NKAPD1: variants seen among roughly 807,000 people sequenced by gnomAD.
NKAPD1 encodes the protein uncharacterized protein NKAPD1.
In NKAPD1, 12 loss-of-function variants were observed where a neutral mutation model predicts 30.9. The observed-to-expected ratio is 0.39, with a 90% confidence interval of 0.25 to 0.63. NKAPD1 has a LOEUF of 0.63. NKAPD1 is among the 20% of genes least tolerant of loss of function. The pLI, the probability that NKAPD1 is intolerant of heterozygous loss-of-function variation, is 0.51. For missense variants in NKAPD1, 311 were observed against 344.5 expected (o/e 0.90, Z 0.77); for synonymous variants, 91 against 113.6 (o/e 0.80, Z 1.26).
intron 2 of NKAPD1, among the ~76,000 whole-genome samples, chr11:112,077,751 C>T (rs1865359058): frequency 6.6e-6 from 1 of 151,672 alleles, no homozygotes; most frequent in African/African-American, 2.4e-5. Flanking sequence ...CAGCCACTTT[C>T]TAGAGAAACC....
Position 112,074,324 on chromosome 11 carries a change from C to G in NKAPD1, c.-601C>G, listed in dbSNP as rs1450313262. The G allele has an allele frequency of 2.5e-6, 1 of 399,112 alleles. No homozygotes were observed. Among genetic ancestry groups the G allele is most frequent in the African/African-American group, 2.1e-5 (1 of 48,624 alleles). 24.7% of individuals were successfully genotyped at this position (399,112 alleles called of 1,614,324 possible). On this transcript the variant is annotated 5_prime_UTR_variant, in exon 1 of 6. Coordinates refer to ENST00000393047, the MANE Select transcript of NKAPD1 (RefSeq NM_018195.4). ...CTTTTTCTCCCAAACCACTTCTTCCCCCCTACCCCCCGCCACGCGAGGCTG... is the reference window on the plus strand; with the variant it reads ...CTTTTTCTCCCAAACCACTTCTTCCGCCCTACCCCCCGCCACGCGAGGCTG...
chr11:112,082,107 T>G, intron 5 of NKAPD1, 72 bp downstream of exon 5: 1 of 1,304,996 alleles, frequency 7.7e-7, no homozygotes, highest in South Asian at 1.2e-5. Flanking sequence ...TTTCTTAACT[T>G]TTACGAAGAA....
chr11:112,083,065 T>C lies in NKAPD1; in HGVS notation c.*93T>C. The stretch of plus-strand genomic sequence containing the variant: ...AGTGACTCTTGTTCAGCACGGGGCC[T>C]GAGGTCAGAGCTGTCTTGTGCCATC... On this transcript the variant is annotated 3_prime_UTR_variant, in exon 6 of 6. Coordinates refer to ENST00000393047, the MANE Select transcript of NKAPD1 (RefSeq NM_018195.4). 1 of 1,376,538 alleles carries C rather than the reference T, an allele frequency of 7.3e-7. No individual in the cohort carries two copies. Among genetic ancestry groups the C allele is most frequent in the Non-Finnish European group, 9.8e-7 (1 of 1,025,568 alleles). The allele number at this position is 1,376,538 out of a possible 1,614,324, so 85.3% of individuals were successfully genotyped here.
In NKAPD1 at chr11:112,083,055, G is replaced by A. The variant is rs1357762941; in HGVS notation, c.*83G>A. Reference sequence around the variant, plus strand: ...TGGTTTTGCCAGTGACTCTTGTTCAGCACGGGGCCTGAGGTCAGAGCTGTC... The same window carrying A: ...TGGTTTTGCCAGTGACTCTTGTTCAACACGGGGCCTGAGGTCAGAGCTGTC... On this transcript the variant is annotated 3_prime_UTR_variant, in exon 6 of 6. Transcript: ENST00000393047. 1.4e-6 allele frequency: 2 copies of A among 1,438,928 alleles called. No individual in the cohort carries two copies. The highest frequency in any genetic ancestry group is 1.9e-6 in the Non-Finnish European group (2 of 1,077,476). 89.1% of individuals were successfully genotyped at this position (1,438,928 alleles called of 1,614,324 possible). A position where few individuals can be genotyped will look rare whatever the true frequency, so the allele number is the denominator to read the frequency against.
chr11:112,081,968 G>A lies in NKAPD1; in HGVS notation c.321-14G>A. 1 of 1,608,848 alleles carries A rather than the reference G, an allele frequency of 6.2e-7. No individual in the cohort carries two copies. The highest frequency in any genetic ancestry group is 1.1e-5 in the South Asian group (1 of 90,806). Reference sequence around the variant, plus strand: ...GCATTGCTTTAACAATACATGTGATGTGTCATATTACAGATGGGGTCACAG... The same window carrying A: ...GCATTGCTTTAACAATACATGTGATATGTCATATTACAGATGGGGTCACAG... On this transcript the variant is annotated splice_polypyrimidine_tract_variant and intron_variant, in intron 4 of 5. Coordinates refer to ENST00000393047, the MANE Select transcript of NKAPD1 (RefSeq NM_018195.4).
chr11:112,080,287 TA>T, intron 3 of NKAPD1, 121 bp from the exon 4 acceptor site: 7 of 822,384 alleles, frequency 8.5e-6, no homozygotes, highest in South Asian at 5.4e-5. Context: ...TTTTTTTTTT[TA>T]AACAGTATCA....
At chr11:112,082,209 C>T in intron 5 of NKAPD1, 174 bp downstream of exon 5, 1 of 710,370 alleles carries the variant, frequency 1.4e-6, no homozygotes. Context: ...TGATGTTTGG[C>T]ATGTCTGTAA....
intron 2 of NKAPD1, among the ~76,000 whole-genome samples, chr11:112,076,435 C>CT (rs765949203): frequency 1.3e-5 from 2 of 152,138 alleles, no homozygotes; most frequent in Non-Finnish European, 2.9e-5. Context: ...AGAATGGAAT[C>CT]TAATTCAGTT....
chr11:112,075,840 A>G (rs1865318931), intron 2 of NKAPD1, among the ~76,000 whole-genome samples, 197 bp downstream of exon 2: 1 of 152,370 alleles, frequency 6.6e-6, no homozygotes, highest in Non-Finnish European at 1.5e-5. Flanking sequence ...TATAACAGAG[A>G]TATTTGCAAA....
chr11:112,080,449 T>A lies in NKAPD1; in HGVS notation c.211T>A (p.Tyr71Asn). The change falls in exon 4 of 6, where the codon TAC (tyrosine) becomes AAC (asparagine). Residue 71 changes from tyrosine to asparagine, a missense_variant. Physicochemically the swap from Tyr to Asn is moderately radical, Grantham distance 143. Coordinates refer to ENST00000393047, the MANE Select transcript of NKAPD1 (RefSeq NM_018195.4). The part of the protein sequence containing the change: ...SDGFDEESQR[Y>N]YWRPKNEISG... ...TGGTTTTGATGAAGAAAGTCAAAGA[T>A]ACTATTGGAGGCCAAAGAATGAAAT... The A allele has an allele frequency of 6.2e-7, 1 of 1,614,094 alleles. No individual in the cohort carries two copies. Among genetic ancestry groups the A allele is most frequent in the Admixed American group, 1.7e-5 (1 of 60,026 alleles).
chr11:112,084,804 T>TTTC lies in NKAPD1; in HGVS notation c.*1834_*1835insCTT. On this transcript the variant is annotated 3_prime_UTR_variant, in exon 6 of 6. Coordinates refer to ENST00000393047, the MANE Select transcript of NKAPD1 (RefSeq NM_018195.4). ...GCAAGGAATACACATCTTGCCTTTTTTTTTTTTTTTTTGCCATGTTTTCCT... is the reference window on the plus strand; with the variant it reads ...GCAAGGAATACACATCTTGCCTTTTTTTCTTTTTTTTTTTTGCCATGTTTTCCT... The TTTC allele has an allele frequency of 1.3e-5, 2 of 152,002 alleles. No homozygotes were observed. Among genetic ancestry groups the TTTC allele is most frequent in the South Asian group, 2.1e-4 (1 of 4,808 alleles). The allele number at this position is 152,002 out of a possible 1,614,324, so 9.4% of individuals were successfully genotyped here.
chr11:112,074,385 G>C lies in NKAPD1; in HGVS notation c.-540G>C. The C allele has an allele frequency of 2.5e-6, 1 of 399,204 alleles. No homozygotes were observed. The highest frequency in any genetic ancestry group is 4.4e-6 in the Non-Finnish European group (1 of 226,156). 24.7% of individuals were successfully genotyped at this position (399,204 alleles called of 1,614,324 possible). A position where few individuals can be genotyped will look rare whatever the true frequency, so the allele number is the denominator to read the frequency against. ...TATGGGTGTGTTTGTGTGTATTTGT[G>C]TGGGGAGGGCGTTTGGAGGGAAGGT... On this transcript the variant is annotated 5_prime_UTR_variant, in exon 1 of 6. Transcript: ENST00000393047.
chr11:112,075,501 A>T, intron 1 of NKAPD1, 66 bp from the exon 2 acceptor site: 2 of 1,246,512 alleles, frequency 1.6e-6, no homozygotes, highest in Non-Finnish European at 1.1e-6. Flanking sequence ...TTCTTTATAA[A>T]ACTTCAAGAA....
At chr11:112,078,768 G>A (rs1865383628) in intron 3 of NKAPD1, among the ~76,000 whole-genome samples, 1 of 152,108 alleles carries the variant, frequency 6.6e-6, no homozygotes, top group Admixed American at 6.6e-5. Context: ...CCCCAGGCTG[G>A]TATAGAATCC....
chr11:112,075,004 G>C (rs2135238135), intron 1 of NKAPD1, 88 bp downstream of exon 1: 1 of 155,054 alleles, frequency 6.4e-6, no homozygotes, highest in Non-Finnish European at 1.4e-5. Context: ...AGCTTCCGTA[G>C]CAAGTAGGAA....
intron 2 of NKAPD1, 128 bp downstream of exon 2, chr11:112,075,771 C>T (rs1463413136): frequency 1.2e-6 from 1 of 832,902 alleles, no homozygotes; most frequent in East Asian, 2.8e-5. Flanking sequence ...CTTCCGTACA[C>T]AGTAGGAAAT....
intron 3 of NKAPD1, 45 bp from the exon 4 acceptor site, chr11:112,080,364 A>G: frequency 6.2e-7 from 1 of 1,604,730 alleles, no homozygotes; most frequent in African/African-American, 1.3e-5. Context: ...AAGTAAACTC[A>G]CAGATTGCTT....
intron 4 of NKAPD1, chr11:112,081,674 T>G: frequency 3.5e-6 from 1 of 287,424 alleles, no homozygotes; most frequent in Non-Finnish European, 6.6e-6. Context: ...AGCATGATAT[T>G]ATGAAGTGTT....
At chr11:112,082,432 T>C (rs1170511105) in intron 5 of NKAPD1, 33 bp from the exon 6 acceptor site, 2 of 1,455,700 alleles carry the variant, frequency 1.4e-6, no homozygotes, top group African/African-American at 2.9e-5. Flanking sequence ...TTTTTTTACA[T>C]AAAAGCTTCT....
Sources: gnomAD v4.1 joint callset for allele counts (sites outside exome capture counted in the v4.1 genomes callset) on GRCh38, gnomAD v4.1.1 for gene constraint, MANE v1.5 for transcripts, NCBI Gene and HGNC (gene_info 2026-07-23, HGNC 2026-07-21) for gene names.